PCBP3: variants seen among roughly 807,000 people sequenced by gnomAD.
PCBP3 encodes the protein poly(rC)-binding protein 3.
PCBP3 carries 25 observed loss-of-function variants against 52.7 expected under a neutral mutation model. The observed-to-expected ratio is 0.47, with a 90% confidence interval of 0.35 to 0.66. The LOEUF is 0.66. PCBP3 is among the 30% of genes least tolerant of loss of function. The pLI is 0.01. For missense variants in PCBP3, 391 were observed against 490.3 expected (o/e 0.80, Z 1.91); for synonymous variants, 162 against 183.0 (o/e 0.89, Z 0.93).
At position 45,821,229 on chromosome 21, in the gene PCBP3, C is replaced by T. The variant is rs954953168; in HGVS notation, c.-125-28732C>T. On this transcript the variant is annotated intron_variant, in intron 4 of 17. Coordinates refer to ENST00000681687, the MANE Select transcript of PCBP3 (RefSeq NM_001384156.1). The surrounding 1 kb of genome is among the most constrained non-coding windows in gnomAD (Gnocchi z 4.4). Reference sequence around the variant, plus strand: ...GGACCCCCTCTCCTGTGCAGCCTCTCCCTAATCCTGGATTCCGCAGGGGCT... The same window carrying T: ...GGACCCCCTCTCCTGTGCAGCCTCTTCCTAATCCTGGATTCCGCAGGGGCT... Among the ~76,000 whole-genome samples the T allele has an allele frequency of 6.6e-6, 1 of 152,088 alleles. No individual in the cohort carries two copies. The highest frequency in any genetic ancestry group is 1.5e-5 in the Non-Finnish European group (1 of 67,998).
At chr21:45,919,074 G>C (rs2074024318) in intron 13 of PCBP3, 1 of 152,618 alleles carries the variant, frequency 6.6e-6, no homozygotes, top group Non-Finnish European at 1.5e-5. Flanking sequence ...GGCCCCCAGG[G>C]AGTGACGGCC....
At chr21:45,677,064 C>T (rs980093291) in intron 2 of PCBP3, among the ~76,000 whole-genome samples, 2 of 152,112 alleles carry the variant, frequency 1.3e-5, no homozygotes, top group African/African-American at 4.8e-5. Flanking sequence ...CGCCTGGCCA[C>T]GTCTCCCACT....
At chr21:45,657,678 A>G (rs2080106051) in intron 1 of PCBP3, among the ~76,000 whole-genome samples, 1 of 151,956 alleles carries the variant, frequency 6.6e-6, no homozygotes, top group Admixed American at 6.6e-5. Flanking sequence ...TTTCTGGAAA[A>G]AAAAAAAGGC....
chr21:45,783,303 A>G (rs1340679327), intron 4 of PCBP3, among the ~76,000 whole-genome samples: 1 of 152,114 alleles, frequency 6.6e-6, no homozygotes, highest in East Asian at 1.9e-4. Flanking sequence ...CCATTTTTCT[A>G]TTGATGTCTG....
chr21:45,673,951 TG>T (rs979570110), intron 2 of PCBP3, among the ~76,000 whole-genome samples: 1 of 152,168 alleles, frequency 6.6e-6, no homozygotes, highest in Non-Finnish European at 1.5e-5. Context: ...TCCAAAATGG[TG>T]ACACAGAGAG....
At chr21:45,924,365 C>T (rs71324463) in intron 13 of PCBP3, among the ~76,000 whole-genome samples, 150 of 55,116 alleles carry the variant, frequency 2.7e-3, no homozygotes, top group African/African-American at 0.023. Flanking sequence ...ATGCGAACAC[C>T]GGGAACAGTC....
chr21:45,913,900 G>T, intron 11 of PCBP3, 51 bp from the exon 12 acceptor site: 2 of 1,543,216 alleles, frequency 1.3e-6, no homozygotes, highest in Non-Finnish European at 1.8e-6. Context: ...CCATTGCCAG[G>T]CTGCGAAGCT....
chr21:45,790,894 G>A (rs1165227845), intron 4 of PCBP3, among the ~76,000 whole-genome samples: 2 of 152,172 alleles, frequency 1.3e-5, no homozygotes, highest in African/African-American at 4.8e-5. Context: ...GTTTTGAAGA[G>A]TTTTACTACA....
chr21:45,781,014 C>T (rs2090598262), intron 4 of PCBP3, among the ~76,000 whole-genome samples: 1 of 152,116 alleles, frequency 6.6e-6, no homozygotes, highest in Non-Finnish European at 1.5e-5. Flanking sequence ...TTGTGTCTAG[C>T]TGTCCCACAG....
chr21:45,728,009 A>G (rs547681764), intron 2 of PCBP3, among the ~76,000 whole-genome samples: 1 of 152,234 alleles, frequency 6.6e-6, no homozygotes, highest in East Asian at 1.9e-4. Context: ...CTCTTTTTCA[A>G]AGTTCTTTGG....
At chr21:45,748,153 T>A (rs929673076) in intron 3 of PCBP3, 4 of 152,610 alleles carry the variant, frequency 2.6e-5, no homozygotes, top group African/African-American at 9.7e-5. Context: ...GGAGTCAGCA[T>A]TTCTGTGTGC....
rs370165625 is a variant in PCBP3 at position 45,835,882 on chromosome 21, A to AGCCCCAGGGGAACAG, written c.-125-14070_-125-14056dup. 5.7e-3 allele frequency among the ~76,000 whole-genome samples: 866 copies of AGCCCCAGGGGAACAG among 152,288 alleles called. 7 individuals are homozygous for AGCCCCAGGGGAACAG. Among genetic ancestry groups the AGCCCCAGGGGAACAG allele is most frequent in the African/African-American group, 0.019 (809 of 41,556 alleles). Reference sequence around the variant, plus strand: ...GAGCGCAGAAAGCCAGTGTCACGGCAGCCCCAGGGGAACAGGCCCCAGGCC... The same window carrying AGCCCCAGGGGAACAG: ...GAGCGCAGAAAGCCAGTGTCACGGCAGCCCCAGGGGAACAGGCCCCAGGGGAACAGGCCCCAGGCC... On this transcript the variant is annotated intron_variant, in intron 4 of 17. Coordinates refer to ENST00000681687, the MANE Select transcript of PCBP3 (RefSeq NM_001384156.1).
At chr21:45,707,913 C>T (rs949547430) in intron 2 of PCBP3, among the ~76,000 whole-genome samples, 1 of 152,206 alleles carries the variant, frequency 6.6e-6, no homozygotes, top group Non-Finnish European at 1.5e-5. Context: ...CTTGACTGCA[C>T]ATGTAGCCCC....
intron 4 of PCBP3, among the ~76,000 whole-genome samples, chr21:45,833,085 G>A (rs573138291): frequency 2.6e-5 from 4 of 152,182 alleles, no homozygotes; most frequent in Non-Finnish European, 5.9e-5. Context: ...TCAGCAGCCA[G>A]CGAGGCTCTC....
At chr21:45,767,098 A>G (rs1014817086) in intron 4 of PCBP3, among the ~76,000 whole-genome samples, 4 of 152,112 alleles carry the variant, frequency 2.6e-5, no homozygotes, top group African/African-American at 9.7e-5. Context: ...TTTCAAGTGT[A>G]TAAGTCAGTG....
Position 45,656,409 on chromosome 21 carries a change from C to T in PCBP3, c.-278-12465C>T, listed in dbSNP as rs1230382938. On this transcript the variant is annotated intron_variant, in intron 1 of 17. Transcript: ENST00000681687. The surrounding 1 kb of genome is among the most constrained non-coding windows in gnomAD (Gnocchi z 4.3). Reference sequence around the variant, plus strand: ...AACACAAGAACAGAAAACCAAACACCGCATGTTCTCACTCATAAGTGGGAG... The same window carrying T: ...AACACAAGAACAGAAAACCAAACACTGCATGTTCTCACTCATAAGTGGGAG... 1.3e-5 allele frequency among the ~76,000 whole-genome samples: 2 copies of T among 151,976 alleles called. No homozygotes were observed. Among genetic ancestry groups the T allele is most frequent in the Admixed American group, 6.6e-5 (1 of 15,250 alleles).
intron 17 of PCBP3, among the ~76,000 whole-genome samples, chr21:45,940,530 G>A (rs773713919): frequency 1.8e-4 from 27 of 152,240 alleles, no homozygotes; most frequent in Non-Finnish European, 1.0e-4. Context: ...TCCGCTCAGA[G>A]GTCTCCAGAA....
chr21:45,909,936 C>T (rs1265272764), intron 10 of PCBP3, among the ~76,000 whole-genome samples: 3 of 95,962 alleles, frequency 3.1e-5, no homozygotes, highest in East Asian at 4.4e-4. Flanking sequence ...ATGGACCCCC[C>T]CAACCCACTT....
intron 4 of PCBP3, among the ~76,000 whole-genome samples, chr21:45,809,270 T>C (rs1051927150): frequency 6.6e-6 from 1 of 152,200 alleles, no homozygotes; most frequent in African/African-American, 2.4e-5. Flanking sequence ...GGACGACTTA[T>C]TGTAGTAATT....
Sources: gnomAD v4.1 joint callset for allele counts (sites outside exome capture counted in the v4.1 genomes callset) on GRCh38, gnomAD v4.1.1 for gene constraint, Gnocchi (gnomAD v3.1) non-coding constraint, MANE v1.5 for transcripts, NCBI Gene and HGNC (gene_info 2026-07-23, HGNC 2026-07-21) for gene names.